The following EHD4 variants were observed in gnomAD, a reference collection of about 807,000 sequenced individuals.
The protein encoded by EHD4 is EH domain-containing protein 4.
Under a neutral mutation model 51.0 loss-of-function variants are expected in EHD4, and 37 were observed. The ratio of observed to expected loss-of-function variants is 0.73; its 90% confidence interval spans 0.56 to 0.95. The LOEUF is 0.95. Among genes scored for constraint, EHD4 ranks in the 40% least tolerant of loss-of-function variants. The pLI is 0.00. For synonymous variants in EHD4, 297 were observed against 317.3 expected, an observed-to-expected ratio of 0.94 and a Z score of 0.68; for missense variants, 632 against 733.1, an observed-to-expected ratio of 0.86 and a Z score of 1.59.
chr15:41,957,768 A>G (rs1270322254), intron 1 of EHD4, among the ~76,000 whole-genome samples: 1 of 152,226 alleles, frequency 6.6e-6, no homozygotes, highest in Non-Finnish European at 1.5e-5. Flanking sequence ...GCCCTGAAGA[A>G]GATTTTTCAC....
intron 3 of EHD4, among the ~76,000 whole-genome samples, chr15:41,938,170 G>A (rs2067744472): frequency 6.6e-6 from 1 of 152,162 alleles, no homozygotes; most frequent in African/African-American, 2.4e-5. Flanking sequence ...GGAGGATTTT[G>A]GATTTTGAAT....
In EHD4 at chr15:41,897,577, A is replaced by T. The variant is rs1203591213; in HGVS notation, c.*3068T>A. ...CAGGGCTGGAGCAGGAGGCGGAAGC[A>T]GGTTGGAAGGCTGTTGTGTGCCACC... is the stretch of plus-strand genomic sequence containing the variant. On this transcript the variant is annotated 3_prime_UTR_variant, in exon 6 of 6. Coordinates refer to ENST00000220325, the MANE Select transcript of EHD4 (RefSeq NM_139265.4). The T allele has an allele frequency of 6.6e-6, 1 of 152,368 alleles. No homozygotes were observed. Among genetic ancestry groups the T allele is most frequent in the Admixed American group, 6.5e-5 (1 of 15,286 alleles). The allele number at this position is 152,368 out of a possible 1,614,324, so 9.4% of individuals were successfully genotyped here.
intron 3 of EHD4, chr15:41,928,761 C>T (rs529143062): frequency 1.3e-5 from 2 of 152,178 alleles, no homozygotes; most frequent in Admixed American, 1.3e-4. Context: ...AGTATCTCAG[C>T]AACTACACCC....
At chr15:41,911,299 CT>C (rs1176702404) in intron 4 of EHD4, among the ~76,000 whole-genome samples, 1 of 152,188 alleles carries the variant, frequency 6.6e-6, no homozygotes, top group Admixed American at 6.5e-5. Context: ...CACCAGCAAA[CT>C]TGTTTATGTA....
chr15:41,939,078 G>C lies in EHD4; in HGVS notation c.511+3989C>G, dbSNP rs180962547. Among the ~76,000 whole-genome samples the C allele has an allele frequency of 8.5e-5, 13 of 152,230 alleles. No homozygotes were observed. The East Asian group carries it at 2.5e-3, about 29-fold the overall frequency. On this transcript the variant is annotated intron_variant, in intron 3 of 5. Transcript: ENST00000220325. ...GATAAAGGTGCTCTTTCTTCTCATCGCAGAGTCAAACACCTGGCTGCTATC... is the reference window on the plus strand; with the variant it reads ...GATAAAGGTGCTCTTTCTTCTCATCCCAGAGTCAAACACCTGGCTGCTATC...
intron 4 of EHD4, among the ~76,000 whole-genome samples, chr15:41,912,335 GC>G (rs1370428294): frequency 6.6e-6 from 1 of 152,128 alleles, no homozygotes; most frequent in Non-Finnish European, 1.5e-5. Flanking sequence ...CCCGCGTCCT[GC>G]CCTTCCTGGT....
intron 3 of EHD4, 117 bp from the exon 4 acceptor site, chr15:41,919,739 C>A: frequency 9.7e-7 from 1 of 1,030,610 alleles, no homozygotes. Context: ...CTGTCTCCAA[C>A]CTGGAGGCAG....
intron 2 of EHD4, among the ~76,000 whole-genome samples, chr15:41,946,088 G>A (rs2067812416): frequency 6.6e-6 from 1 of 152,232 alleles, no homozygotes; most frequent in African/African-American, 2.4e-5. Flanking sequence ...TTATTGAAAT[G>A]CTTCCAAGCA....
intron 1 of EHD4, among the ~76,000 whole-genome samples, chr15:41,955,472 T>G (rs1181519836): frequency 6.6e-6 from 1 of 152,020 alleles, no homozygotes; most frequent in Non-Finnish European, 1.5e-5. Context: ...GACCCCCATT[T>G]CCTCTCAGCT....
chr15:41,905,551 G>C (rs1030106195), intron 5 of EHD4, among the ~76,000 whole-genome samples: 32 of 152,210 alleles, frequency 2.1e-4, no homozygotes, highest in Non-Finnish European at 4.4e-5. Context: ...ACGTGGGAGA[G>C]AGATACTAAA....
In EHD4 at chr15:41,900,694, G is replaced by C. The variant is rs1291090361; in HGVS notation, c.1577C>G (p.Pro526Arg). 17 of 1,606,298 alleles carry C rather than the reference G, an allele frequency of 1.1e-5. No homozygotes were observed. The highest frequency in any genetic ancestry group is 9.3e-5 in the African/African-American group (7 of 74,894). ...CCTGTGCGAGGGGGGCACGAGGTGG[G>C]GGGGCAGGCTGCTGGGCAGCTCGTA... ...DGYELPSSLPPHLVPPSHRKS... is the reference protein window; with the variant it reads ...DGYELPSSLPRHLVPPSHRKS... Residue 526 changes from proline (P) to arginine (R), a missense_variant, in exon 6 of 6, where the codon CCC (proline) becomes CGC (arginine). Coordinates refer to ENST00000220325, the MANE Select transcript of EHD4 (RefSeq NM_139265.4). The surrounding 1 kb of genome is among the most constrained non-coding windows in gnomAD (Gnocchi z 4.8).
At chr15:41,903,793 A>G (rs1284177360) in intron 5 of EHD4, among the ~76,000 whole-genome samples, 3 of 152,130 alleles carry the variant, frequency 2.0e-5, no homozygotes, top group Non-Finnish European at 4.4e-5. Flanking sequence ...ACATTTCTCT[A>G]GGGAAGGGAC....
At chr15:41,925,053 G>T (rs7164609) in intron 3 of EHD4, among the ~76,000 whole-genome samples, 1 of 148,378 alleles carries the variant, frequency 6.7e-6, no homozygotes, top group Non-Finnish European at 1.5e-5. Context: ...GCGAGGGACT[G>T]TATCTCAAAA....
Position 41,895,934 on chromosome 15 carries a change from G to A in EHD4, c.*4711C>T, listed in dbSNP as rs1056507698. On this transcript the variant is annotated 3_prime_UTR_variant, in exon 6 of 6. Coordinates refer to ENST00000220325, the MANE Select transcript of EHD4 (RefSeq NM_139265.4). ...AGTAACTAAAATCTCAAGTGAAACT[G>A]GTTTAAACATTATATTTTTATTATT... The A allele has an allele frequency of 6.6e-6, 1 of 152,104 alleles. No homozygotes were observed. Among genetic ancestry groups the A allele is most frequent in the Non-Finnish European group, 1.5e-5 (1 of 68,004 alleles). 9.4% of individuals were successfully genotyped at this position (152,104 alleles called of 1,614,324 possible).
chr15:41,941,388 A>G (rs1200368208), intron 3 of EHD4, among the ~76,000 whole-genome samples: 1 of 152,202 alleles, frequency 6.6e-6, no homozygotes, highest in African/African-American at 2.4e-5. Flanking sequence ...TTTCTATTAG[A>G]AATGTGTTTG....
chr15:41,948,014 TG>T (rs753022321), intron 2 of EHD4, among the ~76,000 whole-genome samples: 12 of 118,946 alleles, frequency 1.0e-4, no homozygotes, highest in Non-Finnish European at 6.3e-5. Flanking sequence ...CCCAGCACTT[TG>T]GGAGGCCAAG....
intron 4 of EHD4, among the ~76,000 whole-genome samples, chr15:41,915,834 A>G (rs977809361): frequency 2.0e-5 from 3 of 152,172 alleles, no homozygotes; most frequent in African/African-American, 4.8e-5. Context: ...GTAAGAAGTG[A>G]TCTTTGAGGC....
intron 3 of EHD4, among the ~76,000 whole-genome samples, chr15:41,922,117 G>A (rs750700504): frequency 3.9e-5 from 6 of 152,304 alleles, no homozygotes; most frequent in Admixed American, 1.3e-4. Flanking sequence ...GGCTGGGCAC[G>A]GTGGCTAATG....
At chr15:41,944,856 C>G (rs930889472) in intron 2 of EHD4, among the ~76,000 whole-genome samples, 4 of 152,162 alleles carry the variant, frequency 2.6e-5, no homozygotes, top group Non-Finnish European at 5.9e-5. Context: ...GAGAAGCCCC[C>G]AATTTCCACC....
Sources: allele counts gnomAD v4.1 joint callset (sites outside exome capture counted in the v4.1 genomes callset), GRCh38; gene constraint gnomAD v4.1.1; non-coding constraint Gnocchi (gnomAD v3.1); transcripts MANE v1.5; gene names NCBI Gene and HGNC (gene_info 2026-07-23, HGNC 2026-07-21).